PPIL4: variants seen among roughly 807,000 people sequenced by gnomAD.
The protein encoded by PPIL4 is peptidylprolyl isomerase like 4, also known as peptidyl-prolyl cis-trans isomerase-like 4.
PPIL4 carries 50 observed loss-of-function variants against 69.1 expected under a neutral mutation model. That is an observed-to-expected ratio of 0.72 (90% CI 0.58 to 0.92). The LOEUF (loss-of-function observed/expected upper bound fraction) is 0.92. PPIL4 is among the 40% of genes least tolerant of loss of function. The pLI is 0.00. For missense variants in PPIL4, 480 were observed against 587.9 expected (o/e 0.82, Z 1.90); for synonymous variants, 193 against 191.6 (o/e 1.01, Z -0.06).
chr6:149,527,175 T>C (rs924096255), intron 7 of PPIL4, among the ~76,000 whole-genome samples: 2 of 152,166 alleles, frequency 1.3e-5, no homozygotes, highest in Non-Finnish European at 2.9e-5. Flanking sequence ...CTGGCCAACA[T>C]GGTGAAACCC....
intron 1 of PPIL4, among the ~76,000 whole-genome samples, chr6:149,543,812 G>A (rs1209842413): frequency 6.6e-6 from 1 of 151,900 alleles, no homozygotes; most frequent in African/African-American, 2.4e-5. Context: ...TTGGCTATGT[G>A]TTCACAGCTG....
chr6:149,543,839 A>G (rs1329259511), intron 1 of PPIL4, among the ~76,000 whole-genome samples: 3 of 152,238 alleles, frequency 2.0e-5, no homozygotes, highest in Non-Finnish European at 2.9e-5. Context: ...AAAGCTGGTC[A>G]TGTGGACATG....
intron 2 of PPIL4, 28 bp from the exon 3 acceptor site, chr6:149,541,459 TCA>T (rs770128415): frequency 3.2e-6 from 5 of 1,555,082 alleles, no homozygotes; most frequent in Admixed American, 1.7e-5. Context: ...CTTTGTTAAT[TCA>T]CAGAGTTTGT....
intron 8 of PPIL4, among the ~76,000 whole-genome samples, chr6:149,526,211 C>A (rs1777104096): frequency 6.6e-6 from 1 of 152,138 alleles, no homozygotes; most frequent in South Asian, 2.1e-4. Context: ...CACAGAAATA[C>A]TAGCTTCATA....
intron 1 of PPIL4, among the ~76,000 whole-genome samples, 180 bp downstream of exon 1, chr6:149,545,756 G>A (rs138600642): frequency 1.5e-3 from 232 of 152,264 alleles, no homozygotes; most frequent in African/African-American, 5.4e-3. Flanking sequence ...AGGCTCAAAC[G>A]AATTCCCGTC....
At chr6:149,533,717 T>C (rs1404838960) in intron 6 of PPIL4, 143 bp from the exon 7 acceptor site, 2 of 496,328 alleles carry the variant, frequency 4.0e-6, no homozygotes, top group South Asian at 3.6e-5. Flanking sequence ...ATCACACCAC[T>C]GCACTCCAGC....
rs1374764445 is a variant in PPIL4, at chr6:149,512,263, G to A, written c.1119C>T (p.Asp373=). ...TTGTGTGTGAGTGACTTGATTTTGA[G>A]TCTTCGGCCTGCTCATCTAATATAA... The part of the protein sequence containing the change: ...YDLILDEQAE[D]SKSSHSHTSK... The change falls in exon 12 of 13, where the codon GAC becomes GAT. Residue 373 remains aspartate, a synonymous_variant. Transcript: ENST00000253329. The A allele has an allele frequency of 6.8e-6, 11 of 1,612,926 alleles. No homozygotes were observed. The highest frequency in any genetic ancestry group is 8.5e-6 in the Non-Finnish European group (10 of 1,179,232).
intron 1 of PPIL4, among the ~76,000 whole-genome samples, chr6:149,542,178 G>GA (rs939103588): frequency 1.3e-5 from 2 of 151,364 alleles, no homozygotes; most frequent in Admixed American, 6.6e-5. Context: ...TTTATTACGA[G>GA]AAAAAAGAAC....
intron 12 of PPIL4, among the ~76,000 whole-genome samples, chr6:149,510,742 C>CA (rs1583202969): frequency 1.3e-5 from 2 of 150,186 alleles, no homozygotes; most frequent in South Asian, 2.1e-4. Flanking sequence ...AACTCCGTCT[C>CA]AAAAAAAAGA....
rs555784988 is a variant in PPIL4, at chr6:149,526,420, G to A, written c.803+232C>T. On this transcript the variant is annotated intron_variant, in intron 8 of 12. Coordinates refer to ENST00000253329, the MANE Select transcript of PPIL4 (RefSeq NM_139126.4). ...TCATTTCCTGTTTTAGGGTGAAAATGTGTTGAGAGTGGGAGATTCAATTAT... is the reference window on the plus strand; with the variant it reads ...TCATTTCCTGTTTTAGGGTGAAAATATGTTGAGAGTGGGAGATTCAATTAT... 2.0e-5 allele frequency among the ~76,000 whole-genome samples: 3 copies of A among 152,296 alleles called. No homozygotes were observed. The South Asian group carries it at 6.2e-4, about 32-fold the overall frequency.
At chr6:149,507,675 T>C (rs1190679955) in intron 12 of PPIL4, among the ~76,000 whole-genome samples, 1 of 152,204 alleles carries the variant, frequency 6.6e-6, no homozygotes, top group East Asian at 1.9e-4. Flanking sequence ...GATAAAAGAT[T>C]ATGTAGCACT....
intron 1 of PPIL4, among the ~76,000 whole-genome samples, chr6:149,544,155 T>C (rs1235646413): frequency 6.6e-6 from 1 of 152,190 alleles, no homozygotes; most frequent in African/African-American, 2.4e-5. Flanking sequence ...GGCCCATTTA[T>C]TTTGCCAGGT....
At chr6:149,522,034 T>C (rs546381519) in intron 9 of PPIL4, among the ~76,000 whole-genome samples, 9 of 152,318 alleles carry the variant, frequency 5.9e-5, no homozygotes, top group South Asian at 2.1e-4. Context: ...ATGTCAATAA[T>C]TAAATGAATT....
At chr6:149,511,996 T>C (rs992212967) in intron 12 of PPIL4, among the ~76,000 whole-genome samples, 159 bp downstream of exon 12, 12 of 152,206 alleles carry the variant, frequency 7.9e-5, no homozygotes, top group South Asian at 4.1e-4. Context: ...TTTTTGAAAA[T>C]TAAAATCCCA....
At position 149,535,577 on chromosome 6, in the gene PPIL4, T is replaced by G; in HGVS notation, c.464+19A>C. On this transcript the variant is annotated intron_variant, in intron 5 of 12. Coordinates refer to ENST00000253329, the MANE Select transcript of PPIL4 (RefSeq NM_139126.4). Reference sequence around the variant, plus strand: ...ATTAAAACATTCTAGTACATTCAGATAGCAAATTGTAACCATACCTGATAT... The same window carrying G: ...ATTAAAACATTCTAGTACATTCAGAGAGCAAATTGTAACCATACCTGATAT... 1 of 1,601,136 alleles carries G rather than the reference T, an allele frequency of 6.2e-7. No individual in the cohort carries two copies. Among genetic ancestry groups the G allele is most frequent in the South Asian group, 1.1e-5 (1 of 90,246 alleles).
At chr6:149,523,324 G>A (rs1269962638) in intron 9 of PPIL4, among the ~76,000 whole-genome samples, 1 of 151,964 alleles carries the variant, frequency 6.6e-6, no homozygotes, top group Non-Finnish European at 1.5e-5. Flanking sequence ...AATCCACAGA[G>A]AAGATATCTG....
intron 7 of PPIL4, among the ~76,000 whole-genome samples, chr6:149,532,204 A>G (rs1293233714): frequency 6.6e-6 from 1 of 152,254 alleles, no homozygotes; most frequent in Non-Finnish European, 1.5e-5. Flanking sequence ...CAGATGTAGC[A>G]AAATGTTAAA....
Position 149,527,759 on chromosome 6 carries a change from G to A in PPIL4, c.679-983C>T, listed in dbSNP as rs752910889. 1.1e-4 allele frequency among the ~76,000 whole-genome samples: 16 copies of A among 152,142 alleles called. No homozygotes were observed. The East Asian group carries it at 2.9e-3, about 28-fold the overall frequency. Reference sequence around the variant, plus strand: ...GTATGCAACTCTATCACATTTAGATGGGGCAACAACATCCCTTTATACATA... The same window carrying A: ...GTATGCAACTCTATCACATTTAGATAGGGCAACAACATCCCTTTATACATA... On this transcript the variant is annotated intron_variant, in intron 7 of 12. Transcript: ENST00000253329.
At position 149,505,488 on chromosome 6, in the gene PPIL4, T is replaced by C. The variant is rs1467914802; in HGVS notation, c.1444A>G (p.Lys482Glu). 3 of 1,613,896 alleles carry C rather than the reference T, an allele frequency of 1.9e-6. No homozygotes were observed. The highest frequency in any genetic ancestry group is 1.7e-5 in the Admixed American group (1 of 59,990). ...TTAGATTTTTCTTTATCTTTGGACT[T>C]CTTTGGACTTCTGCTTCGGTCTCTC... ...KKRDRSRSPK[K>E]SKDKEKSKYR The change falls in exon 13 of 13, where the codon AAG becomes GAG. Residue 482 changes from lysine to glutamate, a missense_variant. Physicochemically the swap from Lys to Glu is moderately conservative, Grantham distance 56. Coordinates refer to ENST00000253329, the MANE Select transcript of PPIL4 (RefSeq NM_139126.4).
Sources: gnomAD v4.1 joint callset for allele counts (sites outside exome capture counted in the v4.1 genomes callset) on GRCh38, gnomAD v4.1.1 for gene constraint, MANE v1.5 for transcripts, NCBI Gene and HGNC (gene_info 2026-07-23, HGNC 2026-07-21) for gene names.